TCN2: variants seen among roughly 807,000 people sequenced by gnomAD.
TCN2 encodes transcobalamin 2.
Under a neutral mutation model 48.6 loss-of-function variants are expected in TCN2, and 34 were observed. The observed-to-expected ratio is 0.70, with a 90% CI of 0.53 to 0.93. TCN2 has a LOEUF of 0.93. Ranked by LOEUF, TCN2 falls within the 40% of genes least tolerant of loss-of-function variation. TCN2 has a pLI of 0.00. For missense variants in TCN2, 652 were observed against 526.1 expected (o/e 1.24, Z -2.34); for synonymous variants, 283 against 212.5 (o/e 1.33, Z -2.89).
At chr22:30,623,127 C>A in intron 8 of TCN2, 44 bp downstream of exon 8, 1 of 1,602,362 alleles carries the variant, frequency 6.2e-7, no homozygotes, top group South Asian at 1.1e-5. Context: ...CTACCCCAAG[C>A]TTACTCAGCC....
intron 7 of TCN2, among the ~76,000 whole-genome samples, chr22:30,622,574 T>A (rs7286680): frequency 1.3e-5 from 2 of 152,004 alleles, no homozygotes; most frequent in Non-Finnish European, 1.5e-5. Context: ...CCCATGACCC[T>A]GCCTGTCTCT....
chr22:30,623,833 TATAC>T lies in TCN2; in HGVS notation c.1222+752_1222+755del, dbSNP rs1266626125. 1.9e-4 allele frequency among the ~76,000 whole-genome samples: 11 copies of T among 56,954 alleles called. 5 individuals carry two copies. Among genetic ancestry groups the T allele is most frequent in the African/African-American group, 1.3e-3 (7 of 5,206 alleles). 37.4% of individuals were successfully genotyped at this position (56,954 alleles called of 152,430 possible). A position where few individuals can be genotyped will look rare whatever the true frequency, so the allele number is the denominator to read the frequency against. Reference sequence around the variant, plus strand: ...ATATATACACACACATACACACACATATACACACACATACATACACATACATACA... The same window carrying T: ...ATATATACACACACATACACACACATACACACATACATACACATACATACA... On this transcript the variant is annotated intron_variant, in intron 8 of 8. Transcript: ENST00000215838.
At chr22:30,626,236 T>G (rs988454229) in intron 8 of TCN2, among the ~76,000 whole-genome samples, 2 of 152,126 alleles carry the variant, frequency 1.3e-5, no homozygotes, top group South Asian at 2.1e-4. Context: ...TGGCCCTGCC[T>G]GTCAGGTGTT....
rs566850600 is a variant in TCN2 at position 30,614,431 on chromosome 22, G to T, written c.510G>T (p.Arg170=). 6.2e-7 allele frequency: 1 copy of T among 1,614,182 alleles called. No individual in the cohort carries two copies. Among genetic ancestry groups the T allele is most frequent in the East Asian group, 2.2e-5 (1 of 44,884 alleles). ...TGGCCCTGTGTCTCCACCAGAAGCG[G>T]GTCCATGACAGCGTGGTGGACAAAC... ...GILALCLHQK[R]VHDSVVDKLL... The change falls in exon 4 of 9, where the codon CGG becomes CGT. Residue 170 remains arginine (R), a synonymous_variant. Coordinates refer to ENST00000215838, the MANE Select transcript of TCN2 (RefSeq NM_000355.4).
At chr22:30,607,531 A>G (rs1180982116) in intron 1 of TCN2, 136 bp downstream of exon 1, 18 of 803,842 alleles carry the variant, frequency 2.2e-5, no homozygotes, top group Non-Finnish European at 3.4e-5. Context: ...TCAGCATTTA[A>G]CACATCCTAT....
At chr22:30,625,861 G>T (rs2087800452) in intron 8 of TCN2, among the ~76,000 whole-genome samples, 1 of 152,150 alleles carries the variant, frequency 6.6e-6, no homozygotes, top group African/African-American at 2.4e-5. Context: ...CACCTTTGGG[G>T]TTAGGTTTTA....
In TCN2 at chr22:30,607,405, TC is replaced by T; in HGVS notation, c.64+11del. 1 of 1,614,166 alleles carries T rather than the reference TC, an allele frequency of 6.2e-7. No homozygotes were observed. Among genetic ancestry groups the T allele is most frequent in the Non-Finnish European group, 8.5e-7 (1 of 1,180,016 alleles). On this transcript the variant is annotated intron_variant, in intron 1 of 8. Transcript: ENST00000215838. Reference sequence around the variant, plus strand: ...CTCACTGAGATGTGTGGTGAGTAACTCGCCTCTATCCTGTGCCTCTTTCCTC... The same window carrying T: ...CTCACTGAGATGTGTGGTGAGTAACTGCCTCTATCCTGTGCCTCTTTCCTC...
In TCN2 at chr22:30,615,771, C is replaced by T. The variant is rs1376577981; in HGVS notation, c.924C>T (p.Asp308=). 35 of 1,614,072 alleles carry T rather than the reference C, an allele frequency of 2.2e-5. No homozygotes were observed. Among genetic ancestry groups the T allele is most frequent in the Non-Finnish European group, 3.0e-5 (35 of 1,180,008 alleles). Residue 308 remains aspartate, a synonymous_variant, in exon 6 of 9, where the codon GAC becomes GAT. Coordinates refer to ENST00000215838, the MANE Select transcript of TCN2 (RefSeq NM_000355.4). ...CCTACATTGATCTGATCTTCCCAGACTGTCTGGCACCACGAGGTAGCCCAA... is the reference window on the plus strand; with the variant it reads ...CCTACATTGATCTGATCTTCCCAGATTGTCTGGCACCACGAGGTAGCCCAA... ...HKTYIDLIFP[D]CLAPRVMLEP...
At position 30,607,320 on chromosome 22, in the gene TCN2, C is replaced by T. The variant is rs1321332889; in HGVS notation, c.-12C>T. 6.2e-7 allele frequency: 1 copy of T among 1,614,170 alleles called. No individual in the cohort carries two copies. Among genetic ancestry groups the T allele is most frequent in the Non-Finnish European group, 8.5e-7 (1 of 1,180,038 alleles). On this transcript the variant is annotated 5_prime_UTR_variant, in exon 1 of 9. Transcript: ENST00000215838. ...CCGATTCTTGCTCACTGCTCACCCA[C>T]CTGCTGCTGCCATGAGGCACCTTGG...
chr22:30,612,985 G>A lies in TCN2; in HGVS notation c.370G>A (p.Gly124Arg). 1 of 1,614,188 alleles carries A rather than the reference G, an allele frequency of 6.2e-7. No individual in the cohort carries two copies. Among genetic ancestry groups the A allele is most frequent in the Non-Finnish European group, 8.5e-7 (1 of 1,180,030 alleles). Residue 124 changes from glycine (G) to arginine (R), a missense_variant, in exon 3 of 9, where the codon GGG (glycine) becomes AGG (arginine). Gly to Arg is a moderately radical substitution (Grantham distance 125). Transcript: ENST00000215838. ...CTGTGAGTTTGTCAGGGGCCACAAG[G>A]GGGACAGGCTGGTCTCACAGCTCAA... ...ANCEFVRGHK[G>R]DRLVSQLKWF...
In TCN2 at chr22:30,615,461, AT is replaced by A; in HGVS notation, c.743del (p.Leu248TrpfsTer7). 1 of 1,614,156 alleles carries A rather than the reference AT, an allele frequency of 6.2e-7. No homozygotes were observed. The highest frequency in any genetic ancestry group is 8.5e-7 in the Non-Finnish European group (1 of 1,180,040). On this transcript the variant is annotated frameshift_variant, in exon 5 of 9. Transcript: ENST00000215838. LOFTEE classifies it high-confidence loss of function. Reference protein sequence around the residue: ...GHFGNVYSTPLALQFLMTSPM... With the variant: ...GHFGNVYSTPXALQFLMTSPM... ...ACTTTGGGAATGTCTACAGCACCCC[AT>A]TGGCATTACAGGTGGGAAAGAGACC... is the stretch of plus-strand genomic sequence containing the variant.
At chr22:30,620,188 A>G (rs1262769547) in intron 7 of TCN2, among the ~76,000 whole-genome samples, 1 of 151,996 alleles carries the variant, frequency 6.6e-6, no homozygotes, top group African/African-American at 2.4e-5. Context: ...GTGATGGCTA[A>G]CACCTGTAAT....
rs780965553 is a variant in TCN2 at position 30,615,790 on chromosome 22, A to G, written c.940+3A>G. 4.3e-6 allele frequency: 7 copies of G among 1,614,202 alleles called. No individual in the cohort carries two copies. Among genetic ancestry groups the G allele is most frequent in the Non-Finnish European group, 5.9e-6 (7 of 1,180,028 alleles). ...CCCAGACTGTCTGGCACCACGAGGT[A>G]GCCCAACTTTTTGTGGAAGCACAGC... On this transcript the variant is annotated splice_donor_region_variant and intron_variant, in intron 6 of 8. Transcript: ENST00000215838.
At position 30,610,844 on chromosome 22, in the gene TCN2, C is replaced by T. The variant is rs776960732; in HGVS notation, c.65-27C>T. ...TTTGCTGGTGGCCTGGCCCTGTGAC[C>T]TCATTTGTACCATTTTCTTTTCTAA... On this transcript the variant is annotated intron_variant, in intron 1 of 8. Coordinates refer to ENST00000215838, the MANE Select transcript of TCN2 (RefSeq NM_000355.4). 35 of 1,613,406 alleles carry T rather than the reference C, an allele frequency of 2.2e-5. No individual in the cohort carries two copies. In the South Asian group the frequency reaches 2.2e-4, roughly 10 times the overall value.
chr22:30,626,541 C>T lies in TCN2; in HGVS notation c.*20C>T, dbSNP rs767300914. The T allele has an allele frequency of 2.1e-5, 34 of 1,613,806 alleles. No individual in the cohort carries two copies. The highest frequency in any genetic ancestry group is 2.8e-5 in the Non-Finnish European group (33 of 1,179,912). ...TGGTAGCCCCTGAGCTCCCTCATCC[C>T]AGCAGCCTCGCACACTCCCTAGGCT... is the stretch of plus-strand genomic sequence containing the variant. On this transcript the variant is annotated 3_prime_UTR_variant, in exon 9 of 9. Coordinates refer to ENST00000215838, the MANE Select transcript of TCN2 (RefSeq NM_000355.4).
chr22:30,623,019 GA>G lies in TCN2; in HGVS notation c.1161del (p.Ala388ArgfsTer35). On this transcript the variant is annotated frameshift_variant, in exon 8 of 9. Coordinates refer to ENST00000215838, the MANE Select transcript of TCN2 (RefSeq NM_000355.4). LOFTEE classifies it high-confidence loss of function. ...GCCCCTACTTAACCTCCGTGATGGG[GA>G]AAGCGGCCGGAGAAAGGGAGTTCTG... is the stretch of plus-strand genomic sequence containing the variant. ...SGPYLTSVMG[K>X]AAGEREFWQL... 1 of 1,613,988 alleles carries G rather than the reference GA, an allele frequency of 6.2e-7. No individual in the cohort carries two copies. Among genetic ancestry groups the G allele is most frequent in the Non-Finnish European group, 8.5e-7 (1 of 1,180,016 alleles).
chr22:30,620,222 T>G (rs1304326185), intron 7 of TCN2, among the ~76,000 whole-genome samples: 1 of 151,484 alleles, frequency 6.6e-6, no homozygotes, highest in Non-Finnish European at 1.5e-5. Context: ...GAGGCCAAGG[T>G]GGGCAGATTA....
intron 2 of TCN2, among the ~76,000 whole-genome samples, chr22:30,612,346 C>G (rs116933452): frequency 6.6e-6 from 1 of 151,998 alleles, no homozygotes; most frequent in Non-Finnish European, 1.5e-5. Flanking sequence ...GTTAGGAGTT[C>G]GAAACCAGTC....
At chr22:30,611,246 C>G in intron 2 of TCN2, 183 bp downstream of exon 2, 1 of 721,754 alleles carries the variant, frequency 1.4e-6, no homozygotes. Flanking sequence ...ATCAGAGATG[C>G]TAATGCAAGG....
Sources: gnomAD v4.1 joint callset for allele counts (sites outside exome capture counted in the v4.1 genomes callset) on GRCh38, gnomAD v4.1.1 for gene constraint, MANE v1.5 for transcripts, NCBI Gene and HGNC (gene_info 2026-07-23, HGNC 2026-07-21) for gene names.